EYS: variants seen among roughly 807,000 people sequenced by gnomAD.
The protein encoded by EYS is protein eyes shut homolog.
EYS carries 250 observed loss-of-function variants against 282.1 expected under a neutral mutation model. The ratio of observed to expected loss-of-function variants is 0.89; its 90% confidence interval spans 0.80 to 0.98. The LOEUF is 0.98. EYS is among the 50% of genes least tolerant of loss of function. The probability of loss-of-function intolerance (pLI) is 0.00; values close to 1 mark genes in which losing one functional copy is unlikely to be tolerated. For synonymous variants in EYS, 1,355 were observed against 1,282.9 expected, an observed-to-expected ratio of 1.06 and a Z score of -1.20; for missense variants, 4,016 against 3,709.0, an observed-to-expected ratio of 1.08 and a Z score of -2.15.
intron 24 of EYS, among the ~76,000 whole-genome samples, chr6:64,596,450 C>T (rs1219794944): frequency 1.3e-5 from 2 of 152,146 alleles, no homozygotes; most frequent in African/African-American, 4.8e-5. Context: ...ATCATACTCT[C>T]TGACTTTAAA....
intron 22 of EYS, among the ~76,000 whole-genome samples, chr6:64,643,149 C>T (rs1053860677): frequency 5.4e-5 from 8 of 148,136 alleles, no homozygotes; most frequent in South Asian, 2.2e-4. Context: ...GAAGAAAAGA[C>T]GACTTTTCAA....
In EYS at chr6:65,666,212, A is replaced by T. The variant is rs184999396; in HGVS notation, c.-447-26320T>A. Among the ~76,000 whole-genome samples, 232 of 152,072 alleles carry T rather than the reference A, an allele frequency of 1.5e-3. 1 individual carries two copies. The highest frequency in any genetic ancestry group is 5.6e-3 in the African/African-American group (231 of 41,556). On this transcript the variant is annotated intron_variant, in intron 1 of 42. Transcript: ENST00000503581. ...TAGTATGTGTGTACAAAAATGTAAG[A>T]AATCAGTACTCCAAGCTATATAATA...
At chr6:65,430,835 A>G (rs1384119472) in intron 5 of EYS, among the ~76,000 whole-genome samples, 2 of 152,102 alleles carry the variant, frequency 1.3e-5, no homozygotes, top group Non-Finnish European at 2.9e-5. Flanking sequence ...AGCATTCATT[A>G]CCTGCTAACT....
At chr6:64,809,431 A>G (rs1764530735) in intron 22 of EYS, among the ~76,000 whole-genome samples, 1 of 152,260 alleles carries the variant, frequency 6.6e-6, no homozygotes, top group South Asian at 2.1e-4. Flanking sequence ...CAAATTTCAG[A>G]AAAACTAGAT....
In EYS at chr6:65,384,453, T is replaced by A. The variant is rs886061685; in HGVS notation, c.1232A>T (p.His411Leu). The A allele has an allele frequency of 1.9e-6, 3 of 1,609,264 alleles. No individual in the cohort carries two copies. The highest frequency in any genetic ancestry group is 2.5e-6 in the Non-Finnish European group (3 of 1,177,288). ...TEKNCEKAID[H>L]CKLLSINCLN... Reference sequence around the variant, plus strand: ...ACAGTTGATGCTGAGCAGTTTACAGTGGTCAATTGCTTTCTCACAGTTTTT... The same window carrying A: ...ACAGTTGATGCTGAGCAGTTTACAGAGGTCAATTGCTTTCTCACAGTTTTT... The change falls in exon 8 of 43, where the codon CAC becomes CTC. Residue 411 changes from histidine (H) to leucine (L), a missense_variant. Physicochemically the swap from His to Leu is moderately conservative, Grantham distance 99. Coordinates refer to ENST00000503581, the MANE Select transcript of EYS (RefSeq NM_001142800.2).
intron 5 of EYS, among the ~76,000 whole-genome samples, chr6:65,438,556 G>A (rs1391127413): frequency 6.6e-6 from 1 of 152,132 alleles, no homozygotes; most frequent in Middle Eastern, 3.2e-3. Flanking sequence ...ATTCTAACTG[G>A]TGTGAGATGC....
intron 29 of EYS, among the ~76,000 whole-genome samples, chr6:64,381,054 A>C (rs2150419789): frequency 6.6e-6 from 1 of 152,130 alleles, no homozygotes; most frequent in Non-Finnish European, 1.5e-5. Context: ...CACAGATATT[A>C]CATGTATAAT....
intron 26 of EYS, among the ~76,000 whole-genome samples, chr6:64,440,835 C>G (rs139162858): frequency 0.011 from 1,696 of 151,942 alleles, 19 homozygotes; most frequent in Admixed American, 0.015. Flanking sequence ...AAATTACATA[C>G]AGGGGGTCTT....
intron 13 of EYS, among the ~76,000 whole-genome samples, chr6:65,006,432 A>G (rs954555588): frequency 6.7e-6 from 1 of 148,610 alleles, no homozygotes; most frequent in Non-Finnish European, 1.5e-5. Context: ...TGCTTCACTA[A>G]AAGTAGAAAA....
intron 26 of EYS, among the ~76,000 whole-genome samples, chr6:64,554,683 A>G (rs959785660): frequency 6.6e-6 from 1 of 152,006 alleles, no homozygotes; most frequent in African/African-American, 2.4e-5. Flanking sequence ...TAATTTAACA[A>G]TAAGGAAACA....
At chr6:64,011,819 A>G (rs1768646569) in intron 33 of EYS, among the ~76,000 whole-genome samples, 1 of 152,202 alleles carries the variant, frequency 6.6e-6, no homozygotes, top group Non-Finnish European at 1.5e-5. Context: ...ACTGAACAGC[A>G]CCAACTGCTT....
chr6:64,933,207 T>A (rs1365930540), intron 15 of EYS, among the ~76,000 whole-genome samples: 3 of 151,522 alleles, frequency 2.0e-5, no homozygotes, highest in Non-Finnish European at 4.4e-5. Context: ...GTAATAAAAA[T>A]AAAGGAAGCA....
In EYS at chr6:64,486,381, C is replaced by T. The variant is rs78783770; in HGVS notation, c.5645-47029G>A. Among the ~76,000 whole-genome samples the T allele has an allele frequency of 9.3e-3, 1,409 of 151,482 alleles. 29 individuals are homozygous for T. The highest frequency in any genetic ancestry group is 0.082 in the East Asian group (423 of 5,128). ...CTGTCAGATAACAAGAGATCAACAG[C>T]TATGATGCACCAACAAAATCCAAAA... is the stretch of plus-strand genomic sequence containing the variant. On this transcript the variant is annotated intron_variant, in intron 26 of 42. Transcript: ENST00000503581.
At chr6:63,950,137 A>G (rs1765527959) in intron 35 of EYS, among the ~76,000 whole-genome samples, 1 of 151,562 alleles carries the variant, frequency 6.6e-6, no homozygotes, top group Admixed American at 6.6e-5. Flanking sequence ...ACACCACTGC[A>G]CTCCAGCATT....
chr6:64,571,963 C>CACA (rs772034295), intron 26 of EYS, among the ~76,000 whole-genome samples: 6 of 151,634 alleles, frequency 4.0e-5, no homozygotes, highest in South Asian at 2.1e-4. Context: ...ATCTGGCAGA[C>CACA]ACAACAACAA....
rs559393779 is a variant in EYS at position 65,228,954 on chromosome 6, C to A, written c.2023+66909G>T. Among the ~76,000 whole-genome samples the A allele has an allele frequency of 5.7e-3, 859 of 151,266 alleles. 2 individuals are homozygous for A. The highest frequency in any genetic ancestry group is 9.5e-3 in the Non-Finnish European group (642 of 67,640). On this transcript the variant is annotated intron_variant, in intron 12 of 42. Transcript: ENST00000503581. The stretch of plus-strand genomic sequence containing the variant: ...TGCTGGGAGAATCAGATTGTTGTTT[C>A]AAAAAAAGAAAGAGCCAGTCTTAAT...
intron 30 of EYS, among the ~76,000 whole-genome samples, chr6:64,270,293 A>G (rs909732913): frequency 2.6e-5 from 4 of 151,970 alleles, no homozygotes; most frequent in Non-Finnish European, 4.4e-5. Context: ...CACATGTGTC[A>G]TGGTGTATAT....
chr6:65,693,641 A>T (rs1437555209), intron 1 of EYS, among the ~76,000 whole-genome samples: 2 of 150,064 alleles, frequency 1.3e-5, no homozygotes, highest in Non-Finnish European at 3.0e-5. Flanking sequence ...AAATTATAGA[A>T]TTTCAAGTAT....
At chr6:63,950,096 CGGGA>C (rs1765525885) in intron 35 of EYS, among the ~76,000 whole-genome samples, 1 of 151,242 alleles carries the variant, frequency 6.6e-6, no homozygotes, top group Non-Finnish European at 1.5e-5. Context: ...TGCTTGAACC[CGGGA>C]GGTGGAGGTT....
Sources: gnomAD v4.1 joint callset for allele counts (sites outside exome capture counted in the v4.1 genomes callset) on GRCh38, gnomAD v4.1.1 for gene constraint, MANE v1.5 for transcripts, NCBI Gene and HGNC (gene_info 2026-07-23, HGNC 2026-07-21) for gene names.